Variants in NADSYN1 observed in about 807,000 individuals in gnomAD.
The protein encoded by NADSYN1 is glutamine-dependent NAD(+) synthetase.
In NADSYN1, 80 loss-of-function variants were observed where a neutral mutation model predicts 99.3. The ratio of observed to expected loss-of-function variants is 0.81; its 90% CI spans 0.67 to 0.97. The LOEUF is 0.97. Among genes scored for constraint, NADSYN1 ranks in the 50% least tolerant of loss-of-function variants. The pLI, the probability that NADSYN1 is intolerant of heterozygous loss-of-function variation, is 0.00. For synonymous variants in NADSYN1, 385 were observed against 372.1 expected (o/e 1.03, Z -0.40); for missense variants, 859 against 948.5 (o/e 0.91, Z 1.24).
At chr11:71,494,959 AT>A (rs374955925) in intron 18 of NADSYN1, among the ~76,000 whole-genome samples, 268 of 146,622 alleles carry the variant, frequency 1.8e-3, no homozygotes, top group Middle Eastern at 3.5e-3. Flanking sequence ...AGGTTTGTCA[AT>A]TTTTTTTTTT....
At chr11:71,492,213 TAGG>T (rs1949785179) in intron 18 of NADSYN1, among the ~76,000 whole-genome samples, 1 of 152,166 alleles carries the variant, frequency 6.6e-6, no homozygotes, top group African/African-American at 2.4e-5. Context: ...TAGAGCGATG[TAGG>T]AGGAGAATTG....
chr11:71,458,113 G>C (rs890322595), intron 2 of NADSYN1, among the ~76,000 whole-genome samples: 2 of 152,188 alleles, frequency 1.3e-5, no homozygotes, highest in African/African-American at 4.8e-5. Flanking sequence ...TTCTCTTGTA[G>C]ATCAGTGTCA....
intron 15 of NADSYN1, 146 bp downstream of exon 15, chr11:71,484,593 G>A (rs1040560447): frequency 1.6e-6 from 2 of 1,231,146 alleles, no homozygotes; most frequent in Non-Finnish European, 2.2e-6. Flanking sequence ...CCAGTGCTGG[G>A]GTCACAGCCT....
chr11:71,496,087 C>G (rs1949816770), intron 18 of NADSYN1, among the ~76,000 whole-genome samples: 1 of 152,172 alleles, frequency 6.6e-6, no homozygotes, highest in Non-Finnish European at 1.5e-5. Context: ...GGCACGGGCT[C>G]AGGAGGACAG....
At chr11:71,496,565 C>T (rs1949820597) in intron 18 of NADSYN1, 1 of 152,278 alleles carries the variant, frequency 6.6e-6, no homozygotes, top group Admixed American at 6.5e-5. Flanking sequence ...TCCTGACAGG[C>T]CAGGGACCAG....
chr11:71,455,927 TCAAAAA>T (rs1238980110), intron 2 of NADSYN1, among the ~76,000 whole-genome samples: 1 of 152,200 alleles, frequency 6.6e-6, no homozygotes, highest in Non-Finnish European at 1.5e-5. Flanking sequence ...TCTTGTCCCT[TCAAAAA>T]CAAAAACAAA....
chr11:71,458,593 C>T lies in NADSYN1; in HGVS notation c.263+49C>T, dbSNP rs577820254. 6.4e-6 allele frequency: 9 copies of T among 1,404,152 alleles called. No individual in the cohort carries two copies. In the African/African-American group the frequency reaches 9.8e-5, roughly 15 times the overall value. 87.0% of individuals were successfully genotyped at this position (1,404,152 alleles called of 1,614,324 possible). A position where few individuals can be genotyped will look rare whatever the true frequency, so the allele number is the denominator to read the frequency against. ...AGGGCAAACCTGGGACAAAGGCAAG[C>T]TCAAGGGCATGACCCACCCAACCGG... On this transcript the variant is annotated intron_variant, in intron 3 of 20. Transcript: ENST00000319023.
intron 1 of NADSYN1, among the ~76,000 whole-genome samples, chr11:71,454,803 A>G (rs1054743228): frequency 6.6e-6 from 1 of 152,144 alleles, no homozygotes; most frequent in Non-Finnish European, 1.5e-5. Context: ...CGCCTCCTCC[A>G]TGGTGCTAAG....
intron 9 of NADSYN1, chr11:71,474,894 C>CCT: frequency 3.0e-6 from 1 of 332,248 alleles, no homozygotes; most frequent in Non-Finnish European, 6.0e-6. Flanking sequence ...TAGTAGTGGA[C>CCT]GGATGAGGTT....
chr11:71,495,026 A>C (rs942466945), intron 18 of NADSYN1, among the ~76,000 whole-genome samples: 19 of 151,068 alleles, frequency 1.3e-4, no homozygotes, highest in African/African-American at 4.1e-4. Context: ...TCTTTCATTA[A>C]TTTCCCTCTG....
chr11:71,473,530 G>A, intron 7 of NADSYN1, 39 bp from the exon 8 acceptor site: 2 of 1,579,342 alleles, frequency 1.3e-6, no homozygotes, highest in East Asian at 2.2e-5. Context: ...GTTTGGAGGA[G>A]TCTGGTGGCC....
chr11:71,489,466 C>T (rs1949765154), intron 16 of NADSYN1, among the ~76,000 whole-genome samples: 2 of 152,274 alleles, frequency 1.3e-5, no homozygotes, highest in African/African-American at 4.8e-5. Flanking sequence ...GAGCTCTGCA[C>T]TGCGGGATTT....
intron 12 of NADSYN1, 79 bp downstream of exon 12, chr11:71,481,483 A>ATTT (rs368250598): frequency 1.6e-5 from 17 of 1,078,614 alleles, no homozygotes; most frequent in Admixed American, 2.6e-5. Context: ...CAGGGTAGGG[A>ATTT]TTTTTTTTTT....
At position 71,468,210 on chromosome 11, in the gene NADSYN1, A is replaced by G. The variant is rs191145728; in HGVS notation, c.407+4068A>G. The stretch of plus-strand genomic sequence containing the variant: ...AGACTCATTAGTGGAAATTCTGAAC[A>G]TGTACGTTAGGCAGAAGGAAAATCA... On this transcript the variant is annotated intron_variant, in intron 5 of 20. Transcript: ENST00000319023. 3.9e-5 allele frequency among the ~76,000 whole-genome samples: 6 copies of G among 152,370 alleles called. No homozygotes were observed. In the East Asian group the frequency reaches 1.2e-3, roughly 29 times the overall value.
At chr11:71,481,293 G>A in intron 11 of NADSYN1, 63 bp from the exon 12 acceptor site, 1 of 1,557,922 alleles carries the variant, frequency 6.4e-7, no homozygotes, top group Non-Finnish European at 8.8e-7. Context: ...TGCTTGGGTG[G>A]GTTGTTGGGT....
At chr11:71,478,639 C>G in intron 10 of NADSYN1, 170 bp downstream of exon 10, 1 of 622,988 alleles carries the variant, frequency 1.6e-6, no homozygotes, top group South Asian at 1.8e-5. Flanking sequence ...ACAGAACCTG[C>G]TTCCATCTGT....
At chr11:71,467,122 G>C (rs553348017) in intron 5 of NADSYN1, among the ~76,000 whole-genome samples, 24 of 152,270 alleles carry the variant, frequency 1.6e-4, no homozygotes, top group South Asian at 8.3e-4. Context: ...CTTGGTGGAG[G>C]GGGAGAGATG....
Position 71,458,837 on chromosome 11 carries a change from C to CAG in NADSYN1, c.263+298_263+299dup, listed in dbSNP as rs1949530096. ...AATGCAGCATTCACCCCACCCCGTG[C>CAG]AGAGAGCTTGACTCACATCACAGGG... On this transcript the variant is annotated intron_variant, in intron 3 of 20. Transcript: ENST00000319023. The CAG allele has an allele frequency of 3.2e-5, 10 of 315,572 alleles. No individual in the cohort carries two copies. In the East Asian group the frequency reaches 6.0e-4, roughly 19 times the overall value. 19.5% of individuals were successfully genotyped at this position (315,572 alleles called of 1,614,324 possible).
In NADSYN1 at chr11:71,487,763, G is replaced by A. The variant is rs551403064; in HGVS notation, c.1562+2115G>A. On this transcript the variant is annotated intron_variant, in intron 16 of 20. Coordinates refer to ENST00000319023, the MANE Select transcript of NADSYN1 (RefSeq NM_018161.5). ...GGAGAATGGCATGAACCCAGGAGGCGGAGCTGGCAGTGAGCCGAGTTCGCG... is the reference window on the plus strand; with the variant it reads ...GGAGAATGGCATGAACCCAGGAGGCAGAGCTGGCAGTGAGCCGAGTTCGCG... Among the ~76,000 whole-genome samples the A allele has an allele frequency of 8.2e-4, 122 of 148,910 alleles. 2 individuals carry two copies. Among genetic ancestry groups the A allele is most frequent in the Non-Finnish European group, 7.1e-4 (48 of 67,438 alleles).
Sources: allele counts gnomAD v4.1 joint callset (sites outside exome capture counted in the v4.1 genomes callset), GRCh38; gene constraint gnomAD v4.1.1; transcripts MANE v1.5; gene names NCBI Gene and HGNC (gene_info 2026-07-23, HGNC 2026-07-21).